N4BP2: variants seen among roughly 807,000 people sequenced by gnomAD.
N4BP2 encodes NEDD4 binding protein 2, also known as NEDD4-binding protein 2.
In N4BP2, 91 loss-of-function variants were observed where a neutral mutation model predicts 152.8. That is an observed-to-expected ratio of 0.60 (90% CI 0.50 to 0.71). N4BP2 has a LOEUF of 0.71. N4BP2 is among the 30% of genes least tolerant of loss of function. The probability of loss-of-function intolerance (pLI) is 0.00; values close to 1 mark genes in which losing one functional copy is unlikely to be tolerated. For synonymous variants in N4BP2, 646 were observed against 705.3 expected (o/e 0.92, Z 1.33); for missense variants, 1,923 against 2,059.1 (o/e 0.93, Z 1.28).
the N4BP2 span, among the ~76,000 whole-genome samples, chr4:40,174,716 C>G: frequency 1.3e-5 from 2 of 152,050 alleles, no homozygotes; most frequent in Admixed American, 1.3e-4. Flanking sequence ...GCAAGAGAAT[C>G]GCTTGAGCCT....
At chr4:40,173,077 TA>T in the N4BP2 span, among the ~76,000 whole-genome samples, 1 of 151,902 alleles carries the variant, frequency 6.6e-6, no homozygotes, top group Non-Finnish European at 1.5e-5. Flanking sequence ...CAGCCCAGAA[TA>T]AAAAAGGATC....
intron 16 of N4BP2, among the ~76,000 whole-genome samples, chr4:40,145,021 A>G (rs565037912): frequency 1.3e-5 from 2 of 152,206 alleles, no homozygotes; most frequent in Non-Finnish European, 2.9e-5. Flanking sequence ...TGCTGTATTT[A>G]TTAACGGGAG....
intron 13 of N4BP2, among the ~76,000 whole-genome samples, chr4:40,136,356 A>G (rs1171383482): frequency 1.5e-5 from 2 of 133,170 alleles, no homozygotes; most frequent in Non-Finnish European, 3.2e-5. Context: ...CTATCTATCT[A>G]TCTATCTATC....
chr4:40,145,222 G>T (rs1985721), intron 16 of N4BP2, among the ~76,000 whole-genome samples: 89,971 of 150,714 alleles, frequency 0.6, 27,180 homozygotes, highest in East Asian at 0.81. Context: ...TAGTTTTTTT[G>T]TTTGTTTGTT....
At chr4:40,095,704 C>T (rs1189717528) in intron 2 of N4BP2, among the ~76,000 whole-genome samples, 1 of 152,042 alleles carries the variant, frequency 6.6e-6, no homozygotes, top group South Asian at 2.1e-4. Context: ...ATATGATTTT[C>T]AGTTGGATAA....
chr4:40,104,646 T>C (rs970163224), intron 4 of N4BP2, among the ~76,000 whole-genome samples: 2 of 152,158 alleles, frequency 1.3e-5, no homozygotes, highest in African/African-American at 4.8e-5. Context: ...AGTTGAGCTG[T>C]GAGACAAGTT....
chr4:40,148,851 AT>A (rs1560647321), intron 16 of N4BP2, among the ~76,000 whole-genome samples: 2 of 152,076 alleles, frequency 1.3e-5, no homozygotes, highest in African/African-American at 4.8e-5. Context: ...TCTATATCAC[AT>A]TTTTTTATCA....
chr4:40,125,070 T>C (rs1718269615), intron 11 of N4BP2, among the ~76,000 whole-genome samples: 1 of 152,208 alleles, frequency 6.6e-6, no homozygotes, highest in Non-Finnish European at 1.5e-5. Context: ...TCCACATGCC[T>C]CTGTTGTCCA....
At chr4:40,070,039 A>G (rs992082721) in intron 1 of N4BP2, among the ~76,000 whole-genome samples, 1 of 152,206 alleles carries the variant, frequency 6.6e-6, no homozygotes, top group Admixed American at 6.6e-5. Flanking sequence ...AGTTTGCTTG[A>G]AGCATGGTAC....
rs906229459 is a variant in N4BP2, at chr4:40,136,575, C to T, written c.4647-369C>T. Among the ~76,000 whole-genome samples, 7 of 152,046 alleles carry T rather than the reference C, an allele frequency of 4.6e-5. No homozygotes were observed. In the South Asian group the frequency reaches 6.2e-4, roughly 14 times the overall value. On this transcript the variant is annotated intron_variant, in intron 13 of 17. Coordinates refer to ENST00000261435, the MANE Select transcript of N4BP2 (RefSeq NM_018177.6). The stretch of plus-strand genomic sequence containing the variant: ...CTAATTTTTGGGTTTTTTGTAGAGA[C>T]GGGGTTTCACCATGTTGGCCAGGCT...
At chr4:40,108,322 T>C (rs968430065) in intron 5 of N4BP2, among the ~76,000 whole-genome samples, 1 of 150,844 alleles carries the variant, frequency 6.6e-6, no homozygotes, top group African/African-American at 2.4e-5. Flanking sequence ...GGTTTACTCT[T>C]TTTTTTTTGA....
At chr4:40,108,004 A>G (rs1372586221) in intron 5 of N4BP2, among the ~76,000 whole-genome samples, 2 of 150,388 alleles carry the variant, frequency 1.3e-5, no homozygotes, top group African/African-American at 4.9e-5. Flanking sequence ...GCTCACTGCA[A>G]CCTCCGCCTC....
intron 2 of N4BP2, among the ~76,000 whole-genome samples, chr4:40,081,051 G>GA (rs930680870): frequency 6.6e-6 from 1 of 151,212 alleles, no homozygotes; most frequent in Non-Finnish European, 1.5e-5. Flanking sequence ...TAGACACAGT[G>GA]AAAAAAAGGG....
At chr4:40,141,585 C>A (rs1179474557) in intron 14 of N4BP2, among the ~76,000 whole-genome samples, 1 of 151,046 alleles carries the variant, frequency 6.6e-6, no homozygotes, top group African/African-American at 2.4e-5. Context: ...CGGGCAGAGA[C>A]GCTCCTCACT....
chr4:40,094,771 C>G (rs1296120198), intron 2 of N4BP2, among the ~76,000 whole-genome samples: 1 of 151,626 alleles, frequency 6.6e-6, no homozygotes, highest in Non-Finnish European at 1.5e-5. Flanking sequence ...AGGCTGGTCT[C>G]AAACTCCTGA....
At chr4:40,176,144 C>T in the N4BP2 span, among the ~76,000 whole-genome samples, 1 of 151,120 alleles carries the variant, frequency 6.6e-6, no homozygotes, top group South Asian at 2.1e-4. Flanking sequence ...ATTTTCCTAT[C>T]CAGCCTCTCT....
rs144855617 is a variant in N4BP2, at chr4:40,059,736, C to T, written c.-212+2706C>T. On this transcript the variant is annotated intron_variant, in intron 1 of 17. Coordinates refer to ENST00000261435, the MANE Select transcript of N4BP2 (RefSeq NM_018177.6). ...ATGTATCATTATCAACCTCATTGCC[C>T]TCGTCCTCATAGTAATGAAGTGGCT... Among the ~76,000 whole-genome samples the T allele has an allele frequency of 7.2e-5, 11 of 152,306 alleles. No individual in the cohort carries two copies. In the East Asian group the frequency reaches 1.7e-3, roughly 24 times the overall value.
rs764695385 is a variant in N4BP2 at position 40,154,252 on chromosome 4, A to T, written c.*15A>T. 6.4e-7 allele frequency: 1 copy of T among 1,567,948 alleles called. No homozygotes were observed. The highest frequency in any genetic ancestry group is 1.1e-5 in the South Asian group (1 of 87,558). On this transcript the variant is annotated 3_prime_UTR_variant, in exon 18 of 18. Coordinates refer to ENST00000261435, the MANE Select transcript of N4BP2 (RefSeq NM_018177.6). ...TGCTAAAGTAAAATAAACATCCTTG[A>T]ATTAGAAGTATGAAGGTTTGTAGGT...
chr4:40,092,450 CTTT>C (rs1714697209), intron 2 of N4BP2, among the ~76,000 whole-genome samples: 1 of 151,678 alleles, frequency 6.6e-6, no homozygotes, highest in Non-Finnish European at 1.5e-5. Context: ...CTTTATTAGC[CTTT>C]TGATATCTGC....
Sources: allele counts gnomAD v4.1 joint callset (sites outside exome capture counted in the v4.1 genomes callset), GRCh38; gene constraint gnomAD v4.1.1; transcripts MANE v1.5; gene names NCBI Gene and HGNC (gene_info 2026-07-23, HGNC 2026-07-21).